Variants in DNAJC10 observed in about 807,000 individuals in gnomAD.
The protein encoded by DNAJC10 is endoplasmic reticulum disulfide reductase DNAJC10.
DNAJC10 carries 101 observed loss-of-function variants against 115.0 expected under a neutral mutation model. That is an observed-to-expected ratio of 0.88 (90% confidence interval 0.75 to 1.04). The LOEUF (loss-of-function observed/expected upper bound fraction) is 1.04, where lower values mean the gene tolerates loss of function less well. Ranked by LOEUF, DNAJC10 falls within the 50% of genes least tolerant of loss-of-function variation. The probability of loss-of-function intolerance (pLI) is 0.00; values close to 1 mark genes in which losing one functional copy is unlikely to be tolerated. For synonymous variants in DNAJC10, 307 were observed against 301.5 expected, an observed-to-expected ratio of 1.02 and a Z score of -0.19; for missense variants, 981 against 928.8, an observed-to-expected ratio of 1.06 and a Z score of -0.73.
At position 182,792,496 on chromosome 2, in the gene DNAJC10, A is replaced by G. The variant is rs139451757; in HGVS notation, c.*15364A>G. On this transcript the variant is annotated 3_prime_UTR_variant, in exon 24 of 24. Coordinates refer to ENST00000264065, the MANE Select transcript of DNAJC10 (RefSeq NM_018981.4). ...GTCCCTCAATGTTCACAAAAGTCCC[A>G]TCTGATAAATGTATTGTTTAACCTC... The G allele has an allele frequency of 2.0e-4, 31 of 152,326 alleles. No individual in the cohort carries two copies. Among genetic ancestry groups the G allele is most frequent in the African/African-American group, 7.2e-4 (30 of 41,584 alleles). 9.4% of individuals were successfully genotyped at this position (152,326 alleles called of 1,614,324 possible).
intron 11 of DNAJC10, among the ~76,000 whole-genome samples, chr2:182,736,795 G>C (rs1461725466): frequency 2.6e-5 from 4 of 152,102 alleles, no homozygotes; most frequent in Non-Finnish European, 5.9e-5. Flanking sequence ...TGTCGCCCAG[G>C]CTGTAGTGCA....
At chr2:182,771,463 T>C (rs191419116) in intron 22 of DNAJC10, among the ~76,000 whole-genome samples, 1 of 152,316 alleles carries the variant, frequency 6.6e-6, no homozygotes, top group East Asian at 1.9e-4. Flanking sequence ...GTCCTGGACT[T>C]TTTTTGGTTG....
rs288302 is a variant in DNAJC10 at position 182,790,650 on chromosome 2, G to C, written c.*13518G>C. On this transcript the variant is annotated 3_prime_UTR_variant, in exon 24 of 24. Coordinates refer to ENST00000264065, the MANE Select transcript of DNAJC10 (RefSeq NM_018981.4). ...AAAATACAAAAAAAAATGGCCAGGCGTGGTGGTGCACGCCTGTAATCCCAG... is the reference window on the plus strand; with the variant it reads ...AAAATACAAAAAAAAATGGCCAGGCCTGGTGGTGCACGCCTGTAATCCCAG... 2 of 151,672 alleles carry C rather than the reference G, an allele frequency of 1.3e-5. No individual in the cohort carries two copies. Among genetic ancestry groups the C allele is most frequent in the Non-Finnish European group, 2.9e-5 (2 of 67,986 alleles). The allele number at this position is 151,672 out of a possible 1,614,324, so 9.4% of individuals were successfully genotyped here.
In DNAJC10 at chr2:182,753,579, G is replaced by GTTTTTT. The variant is rs56151760; in HGVS notation, c.1551+1407_1552-1403dup. On this transcript the variant is annotated intron_variant, in intron 16 of 23. Coordinates refer to ENST00000264065, the MANE Select transcript of DNAJC10 (RefSeq NM_018981.4). ...TCTTAATTTTAATTTCTTTAGTTTA[G>GTTTTTT]TTTTTTTTTTTTTTTTTTTTTGAGA... Among the ~76,000 whole-genome samples the GTTTTTT allele has an allele frequency of 2.8e-3, 283 of 99,388 alleles. 7 individuals are homozygous for GTTTTTT. The highest frequency in any genetic ancestry group is 3.8e-3 in the African/African-American group (97 of 25,214). 65.2% of individuals were successfully genotyped at this position (99,388 alleles called of 152,430 possible).
chr2:182,740,321 A>C lies in DNAJC10; in HGVS notation c.1010A>C (p.Lys337Thr). 6.6e-7 allele frequency: 1 copy of C among 1,519,246 alleles called. No homozygotes were observed. Among genetic ancestry groups the C allele is most frequent in the Non-Finnish European group, 8.9e-7 (1 of 1,121,798 alleles). 94.1% of individuals were successfully genotyped at this position (1,519,246 alleles called of 1,614,324 possible). The change falls in exon 12 of 24, where the codon AAA becomes ACA. Residue 337 changes from lysine (K) to threonine (T), a missense_variant. Lys to Thr is a moderately conservative substitution (Grantham distance 78). Coordinates refer to ENST00000264065, the MANE Select transcript of DNAJC10 (RefSeq NM_018981.4). ...TAGTTTCTCAACTCATTGGATGCTA[A>C]AGAAATATATTTGGAAGTAATACAT... ...SILFLNSLDA[K>T]EIYLEVIHNL...
intron 13 of DNAJC10, among the ~76,000 whole-genome samples, chr2:182,742,638 C>T (rs1419661707): frequency 2.0e-5 from 3 of 152,194 alleles, no homozygotes; most frequent in South Asian, 2.1e-4. Context: ...ATGGTACTAT[C>T]GTTCTTTATA....
intron 10 of DNAJC10, among the ~76,000 whole-genome samples, chr2:182,733,661 T>C (rs1446770845): frequency 6.7e-6 from 1 of 148,468 alleles, no homozygotes. Context: ...AAACAGTTTC[T>C]GTACAACTGT....
At position 182,786,551 on chromosome 2, in the gene DNAJC10, A is replaced by G. The variant is rs1024438459; in HGVS notation, c.*9419A>G. 1 of 152,182 alleles carries G rather than the reference A, an allele frequency of 6.6e-6. No homozygotes were observed. The highest frequency in any genetic ancestry group is 1.5e-5 in the Non-Finnish European group (1 of 68,026). 9.4% of individuals were successfully genotyped at this position (152,182 alleles called of 1,614,324 possible). On this transcript the variant is annotated 3_prime_UTR_variant, in exon 24 of 24. Transcript: ENST00000264065. The stretch of plus-strand genomic sequence containing the variant: ...GAACCTGCCTGAAGGCACAGGGTAC[A>G]CCATCTTCCTAAGGTGTGACCTCCT...
intron 19 of DNAJC10, 54 bp downstream of exon 19, chr2:182,757,879 T>G (rs1252366247): frequency 4.8e-6 from 5 of 1,049,194 alleles, no homozygotes; most frequent in Non-Finnish European, 6.7e-6. Flanking sequence ...AATTATACAC[T>G]TAACAGTTAA....
intron 3 of DNAJC10, among the ~76,000 whole-genome samples, chr2:182,719,453 C>T (rs1000880184): frequency 2.0e-5 from 3 of 151,744 alleles, no homozygotes; most frequent in Non-Finnish European, 4.4e-5. Context: ...CGGGGCTTCA[C>T]CATGTTGGCC....
At position 182,785,523 on chromosome 2, in the gene DNAJC10, T is replaced by C. The variant is rs1264480936; in HGVS notation, c.*8391T>C. 1 of 152,076 alleles carries C rather than the reference T, an allele frequency of 6.6e-6. No individual in the cohort carries two copies. Among genetic ancestry groups the C allele is most frequent in the Non-Finnish European group, 1.5e-5 (1 of 68,004 alleles). 9.4% of individuals were successfully genotyped at this position (152,076 alleles called of 1,614,324 possible). The stretch of plus-strand genomic sequence containing the variant: ...ACTCGTTTGTTAAGTGGAAAAAATA[T>C]TTCAGTAGGTAGTCATATAAATAAG... On this transcript the variant is annotated 3_prime_UTR_variant, in exon 24 of 24. Coordinates refer to ENST00000264065, the MANE Select transcript of DNAJC10 (RefSeq NM_018981.4).
chr2:182,746,738 G>A (rs1334575408), intron 14 of DNAJC10, among the ~76,000 whole-genome samples: 1 of 152,038 alleles, frequency 6.6e-6, no homozygotes, highest in African/African-American at 2.4e-5. Context: ...AGTTTAATTA[G>A]ATCCCATTTG....
rs1479428564 is a variant in DNAJC10 at position 182,785,947 on chromosome 2, A to G, written c.*8815A>G. 4 of 152,268 alleles carry G rather than the reference A, an allele frequency of 2.6e-5. No individual in the cohort carries two copies. Among genetic ancestry groups the G allele is most frequent in the African/African-American group, 9.6e-5 (4 of 41,556 alleles). 9.4% of individuals were successfully genotyped at this position (152,268 alleles called of 1,614,324 possible). A position where few individuals can be genotyped will look rare whatever the true frequency, so the allele number is the denominator to read the frequency against. On this transcript the variant is annotated 3_prime_UTR_variant, in exon 24 of 24. Transcript: ENST00000264065. ...TTTGGCATTTGCTTTAAAATAATCC[A>G]GTAACCAGGATCTGAGAGAAACCAA...
chr2:182,772,377 T>C (rs1694587586), intron 22 of DNAJC10, among the ~76,000 whole-genome samples: 1 of 152,206 alleles, frequency 6.6e-6, no homozygotes, highest in Admixed American at 6.5e-5. Flanking sequence ...ATATCCTTCT[T>C]AACCTTGTGT....
rs1693350740 is a variant in DNAJC10, at chr2:182,728,559, A to AT, written c.419-13dup. On this transcript the variant is annotated splice_polypyrimidine_tract_variant and intron_variant, in intron 5 of 23. Coordinates refer to ENST00000264065, the MANE Select transcript of DNAJC10 (RefSeq NM_018981.4). ...TAATAAATAATTCTAAGTTGTTTGC[A>AT]TTTTATGTATTTTTAGATGCTGCTG... is the stretch of plus-strand genomic sequence containing the variant. 2 of 1,572,436 alleles carry AT rather than the reference A, an allele frequency of 1.3e-6. No homozygotes were observed. Among genetic ancestry groups the AT allele is most frequent in the African/African-American group, 2.7e-5 (2 of 74,078 alleles).
intron 6 of DNAJC10, 23 bp from the exon 7 acceptor site, chr2:182,728,839 AT>A: frequency 6.2e-7 from 1 of 1,613,592 alleles, no homozygotes; most frequent in Non-Finnish European, 8.5e-7. Flanking sequence ...TATCAGAGAA[AT>A]ATGTTTTCTT....
At chr2:182,753,961 T>C (rs1337931059) in intron 16 of DNAJC10, among the ~76,000 whole-genome samples, 4 of 152,194 alleles carry the variant, frequency 2.6e-5, no homozygotes, top group South Asian at 2.1e-4. Context: ...AACTATGATA[T>C]CGATTTACCT....
In DNAJC10 at chr2:182,720,108, G is replaced by A; in HGVS notation, c.306G>A (p.Lys102=). The A allele has an allele frequency of 6.2e-7, 1 of 1,612,310 alleles. No homozygotes were observed. Among genetic ancestry groups the A allele is most frequent in the Non-Finnish European group, 8.5e-7 (1 of 1,178,864 alleles). ...LRKKYDKYGE[K]GLEDNQGGQY... ...AAAAGTATGACAAATATGGAGAAAA[G>A]GGACTTGAGGATAATCAAGGTGGCC... Residue 102 remains lysine (K), a synonymous_variant, in exon 4 of 24, where the codon AAG becomes AAA. Transcript: ENST00000264065.
At chr2:182,718,561 A>G (rs1370034217) in intron 3 of DNAJC10, among the ~76,000 whole-genome samples, 1 of 152,222 alleles carries the variant, frequency 6.6e-6, no homozygotes, top group African/African-American at 2.4e-5. Context: ...ACAAACGATA[A>G]TATCCGTGAA....
Sources: gnomAD v4.1 joint callset for allele counts (sites outside exome capture counted in the v4.1 genomes callset) on GRCh38, gnomAD v4.1.1 for gene constraint, MANE v1.5 for transcripts, NCBI Gene and HGNC (gene_info 2026-07-23, HGNC 2026-07-21) for gene names.